STAT3: variants seen among roughly 807,000 people sequenced by gnomAD.
STAT3 encodes the protein signal transducer and activator of transcription 3.
A neutral mutation model predicts 114.3 loss-of-function variants in STAT3; 7 were observed. That is an observed-to-expected ratio of 0.06 (90% CI 0.03 to 0.11). The LOEUF (loss-of-function observed/expected upper bound fraction) is 0.11, where lower values mean the gene tolerates loss of function less well. STAT3 is among the 10% of genes least tolerant of loss of function. The probability of loss-of-function intolerance (pLI) is 1.00; values close to 1 mark genes in which losing one functional copy is unlikely to be tolerated. For synonymous variants in STAT3, 331 were observed against 354.5 expected (o/e 0.93, Z 0.74); for missense variants, 364 against 960.9 (o/e 0.38, Z 8.21).
chr17:42,331,935 CTT>C (rs776956402), intron 10 of STAT3, among the ~76,000 whole-genome samples: 8 of 143,808 alleles, frequency 5.6e-5, no homozygotes, highest in African/African-American at 5.0e-5. Context: ...CTCTCTTTCT[CTT>C]TTTTTTTTTT....
chr17:42,384,120 A>ATTTTTTTT (rs1369350071), intron 1 of STAT3, among the ~76,000 whole-genome samples: 1 of 81,996 alleles, frequency 1.2e-5, no homozygotes, highest in South Asian at 5.5e-4. Context: ...TTATTTATTT[A>ATTTTTTTT]TTTATTTATT....
chr17:42,375,882 A>G (rs1412555903), intron 1 of STAT3, among the ~76,000 whole-genome samples: 4 of 151,320 alleles, frequency 2.6e-5, no homozygotes, highest in Middle Eastern at 3.3e-3. Flanking sequence ...GCCGGGCGCA[A>G]TGGCTCACAC....
intron 1 of STAT3, among the ~76,000 whole-genome samples, chr17:42,369,320 T>A (rs769491250): frequency 1.2e-4 from 18 of 152,168 alleles, no homozygotes; most frequent in Non-Finnish European, 2.5e-4. Flanking sequence ...TCGTGCCACC[T>A]GCATTCCAGC....
rs1213289437 is a variant in STAT3 at position 42,337,663 on chromosome 17, G to A, written c.646-77C>T. On this transcript the variant is annotated intron_variant, in intron 7 of 23. Coordinates refer to ENST00000264657, the MANE Select transcript of STAT3 (RefSeq NM_139276.3). The surrounding 1 kb of genome is among the most constrained non-coding windows in gnomAD (Gnocchi z 4.0). ...ACCACATTCTTTAGTCAACTCCAGAGCAGGAACTTCTTAGAAACCAAGCAA... is the reference window on the plus strand; with the variant it reads ...ACCACATTCTTTAGTCAACTCCAGAACAGGAACTTCTTAGAAACCAAGCAA... The A allele has an allele frequency of 1.2e-6, 2 of 1,613,634 alleles. No individual in the cohort carries two copies. Among genetic ancestry groups the A allele is most frequent in the Non-Finnish European group, 8.5e-7 (1 of 1,179,710 alleles).
At chr17:42,349,723 G>T (rs1169304917) in intron 1 of STAT3, among the ~76,000 whole-genome samples, 3 of 152,156 alleles carry the variant, frequency 2.0e-5, no homozygotes, top group Admixed American at 6.6e-5. Flanking sequence ...GAATAGCATG[G>T]GTCATGGAAA....
intron 20 of STAT3, 44 bp downstream of exon 20, chr17:42,322,960 C>G (rs777407248): frequency 3.7e-6 from 6 of 1,612,326 alleles, no homozygotes; most frequent in African/African-American, 1.3e-5. Context: ...GTGATGAGGC[C>G]TCAGCAGCCA....
At chr17:42,376,350 ATAT>A (rs1474209176) in intron 1 of STAT3, among the ~76,000 whole-genome samples, 1 of 152,082 alleles carries the variant, frequency 6.6e-6, no homozygotes, top group East Asian at 1.9e-4. Context: ...CAGTTGTCTA[ATAT>A]TAATGATTAT....
At chr17:42,373,375 A>AAGAG (rs2084268243) in intron 1 of STAT3, among the ~76,000 whole-genome samples, 1 of 151,750 alleles carries the variant, frequency 6.6e-6, no homozygotes, top group African/African-American at 2.4e-5. Context: ...AAAAGAAAGA[A>AAGAG]AACACGTATC....
At chr17:42,348,165 T>C (rs1388064325) in intron 2 of STAT3, among the ~76,000 whole-genome samples, 1 of 152,168 alleles carries the variant, frequency 6.6e-6, no homozygotes, top group African/African-American at 2.4e-5. Context: ...TCCACCACCA[T>C]ACAGGCGGTT....
At chr17:42,387,534 A>G (rs1318012960) in intron 1 of STAT3, 2 of 152,154 alleles carry the variant, frequency 1.3e-5, no homozygotes, top group African/African-American at 4.8e-5. Context: ...GAAAAGGACA[A>G]TGTCAAGAGG....
At position 42,363,839 on chromosome 17, in the gene STAT3, AT is replaced by A. The variant is rs2083640360; in HGVS notation, c.-23-15301del. Among the ~76,000 whole-genome samples, 4 of 151,524 alleles carry A rather than the reference AT, an allele frequency of 2.6e-5. No individual in the cohort carries two copies. The South Asian group carries it at 8.4e-4, about 32-fold the overall frequency. On this transcript the variant is annotated intron_variant, in intron 1 of 23. Coordinates refer to ENST00000264657, the MANE Select transcript of STAT3 (RefSeq NM_139276.3). The stretch of plus-strand genomic sequence containing the variant: ...CCCACAGACTTTGTTCCTTTTTCAT[AT>A]TTGTTCTTGCCTAAAATGCTTTTTT...
chr17:42,323,015 T>G lies in STAT3; in HGVS notation c.1877A>C (p.Lys626Thr). ...EGGVTFTWVE[K>T]DISGKTQIQS... The stretch of plus-strand genomic sequence containing the variant: ...GGAGCCTCCCTTACCGCTGATGTCC[T>G]TCTCCACCCAAGTGAAAGTGACGCC... The change falls in exon 20 of 24, where the codon AAG becomes ACG. Residue 626 changes from lysine to threonine, a missense_variant. Lys to Thr is a moderately conservative substitution (Grantham distance 78, BLOSUM62 -1). Coordinates refer to ENST00000264657, the MANE Select transcript of STAT3 (RefSeq NM_139276.3). 1 of 1,614,006 alleles carries G rather than the reference T, an allele frequency of 6.2e-7. No individual in the cohort carries two copies. Among genetic ancestry groups the G allele is most frequent in the Non-Finnish European group, 8.5e-7 (1 of 1,180,038 alleles).
chr17:42,329,668 C>A (rs777883092), intron 12 of STAT3, 21 bp from the exon 13 acceptor site: 3 of 1,614,138 alleles, frequency 1.9e-6, no homozygotes, highest in Admixed American at 1.7e-5. Context: ...GGGGAACAAT[C>A]AACTATGTAG....
At chr17:42,372,174 A>T (rs773235379) in intron 1 of STAT3, among the ~76,000 whole-genome samples, 1 of 152,210 alleles carries the variant, frequency 6.6e-6, no homozygotes, top group Non-Finnish European at 1.5e-5. Context: ...TTACAAAACT[A>T]AACATACTCT....
In STAT3 at chr17:42,315,760, A is replaced by G. The variant is rs1243900024; in HGVS notation, c.2298T>C (p.Ala766=). ...TFDMELTSEC[A]TSPM ...TCTCAGCTCCTCACATGGGGGAGGTAGCGCACTCCGAGGTCAACTCCATGT... is the reference window on the plus strand; with the variant it reads ...TCTCAGCTCCTCACATGGGGGAGGTGGCGCACTCCGAGGTCAACTCCATGT... Residue 766 remains alanine, a synonymous_variant, in exon 24 of 24, where the codon GCT becomes GCC. Transcript: ENST00000264657. 12 of 1,613,912 alleles carry G rather than the reference A, an allele frequency of 7.4e-6. No homozygotes were observed. Among genetic ancestry groups the G allele is most frequent in the Non-Finnish European group, 1.0e-5 (12 of 1,179,992 alleles).
At chr17:42,330,814 A>G (rs912331647) in intron 11 of STAT3, among the ~76,000 whole-genome samples, 3 of 152,166 alleles carry the variant, frequency 2.0e-5, no homozygotes, top group Non-Finnish European at 4.4e-5. Context: ...ATTCCATTAT[A>G]TGGTAAAGTG....
chr17:42,384,124 A>ATTTTTTTTTT, intron 1 of STAT3, among the ~76,000 whole-genome samples: 1 of 81,958 alleles, frequency 1.2e-5, no homozygotes, highest in African/African-American at 3.4e-5. Flanking sequence ...TTATTTATTT[A>ATTTTTTTTTT]TTTATTTATT....
intron 1 of STAT3, among the ~76,000 whole-genome samples, chr17:42,377,829 T>C (rs922782677): frequency 6.6e-6 from 1 of 151,880 alleles, no homozygotes; most frequent in Non-Finnish European, 1.5e-5. Context: ...GGATCTTCTC[T>C]ACCCTACATC....
chr17:42,367,725 T>C (rs914606370), intron 1 of STAT3, among the ~76,000 whole-genome samples: 1 of 152,208 alleles, frequency 6.6e-6, no homozygotes, highest in Non-Finnish European at 1.5e-5. Context: ...TCTTTTTTCA[T>C]GTATCTCCTT....
Sources: allele counts gnomAD v4.1 joint callset (sites outside exome capture counted in the v4.1 genomes callset), GRCh38; gene constraint gnomAD v4.1.1; non-coding constraint Gnocchi (gnomAD v3.1); transcripts MANE v1.5; gene names NCBI Gene and HGNC (gene_info 2026-07-23, HGNC 2026-07-21).